The following AQP9 variants were observed in gnomAD, a reference collection of about 807,000 sequenced individuals.
The protein encoded by AQP9 is aquaporin 9.
In AQP9, 19 loss-of-function variants were observed where a neutral mutation model predicts 23.8. That is an observed-to-expected ratio of 0.80 (90% CI 0.56 to 1.17). The LOEUF (loss-of-function observed/expected upper bound fraction) is 1.17, where lower values mean the gene tolerates loss of function less well. Among genes scored for constraint, AQP9 ranks in the 50% most tolerant of loss-of-function variants. The pLI, the probability that AQP9 is intolerant of heterozygous loss-of-function variation, is 0.00. For synonymous variants in AQP9, 153 were observed against 131.5 expected, an observed-to-expected ratio of 1.16 and a Z score of -1.12; for missense variants, 413 against 362.0, an observed-to-expected ratio of 1.14 and a Z score of -1.14.
intron 1 of AQP9, among the ~76,000 whole-genome samples, chr15:58,144,720 A>C (rs531657535): frequency 6.6e-6 from 1 of 152,278 alleles, no homozygotes; most frequent in East Asian, 1.9e-4. Flanking sequence ...AATTTCTTTA[A>C]AAGTTACAGG....
At chr15:58,144,603 C>A (rs1898007834) in intron 1 of AQP9, among the ~76,000 whole-genome samples, 1 of 152,066 alleles carries the variant, frequency 6.6e-6, no homozygotes, top group Admixed American at 6.6e-5. Context: ...AAAATTTTCC[C>A]TTTTTTTCTA....
intron 1 of AQP9, among the ~76,000 whole-genome samples, chr15:58,145,019 A>G (rs1898018627): frequency 2.0e-5 from 3 of 151,382 alleles, no homozygotes; most frequent in African/African-American, 7.3e-5. Context: ...ATCTCAAAAA[A>G]AAAAAAAAAA....
intron 1 of AQP9, among the ~76,000 whole-genome samples, chr15:58,159,151 C>T (rs1434201887): frequency 6.6e-6 from 1 of 152,182 alleles, no homozygotes; most frequent in African/African-American, 2.4e-5. Context: ...TCGGGTTTTA[C>T]ATTGTGTCCA....
In AQP9 at chr15:58,138,390, G is replaced by A; in HGVS notation, c.-176G>A. The A allele has an allele frequency of 1.9e-6, 1 of 530,836 alleles. No individual in the cohort carries two copies. Among genetic ancestry groups the A allele is most frequent in the Non-Finnish European group, 3.4e-6 (1 of 294,428 alleles). 32.9% of individuals were successfully genotyped at this position (530,836 alleles called of 1,614,324 possible). Reference sequence around the variant, plus strand: ...ACAGGGAATGACAGTTCCACCAGAAGACGATTAAGCCACAGCCTCTAATTG... The same window carrying A: ...ACAGGGAATGACAGTTCCACCAGAAAACGATTAAGCCACAGCCTCTAATTG... On this transcript the variant is annotated 5_prime_UTR_variant, in exon 1 of 6. Coordinates refer to ENST00000219919, the MANE Select transcript of AQP9 (RefSeq NM_020980.5).
At chr15:58,158,381 A>C (rs1898307307) in intron 1 of AQP9, among the ~76,000 whole-genome samples, 1 of 152,168 alleles carries the variant, frequency 6.6e-6, no homozygotes, top group South Asian at 2.1e-4. Flanking sequence ...AGTGATGTAA[A>C]ATTAGGCAAT....
In AQP9 at chr15:58,179,356, G is replaced by C. The variant is rs575442870; in HGVS notation, c.713+11G>C. 2 of 1,604,088 alleles carry C rather than the reference G, an allele frequency of 1.2e-6. No homozygotes were observed. Among genetic ancestry groups the C allele is most frequent in the Admixed American group, 1.7e-5 (1 of 58,830 alleles). ...GTTTGAAGTCTTCAGGTAAGTAACA[G>C]TGGTGGGGAAGAGAGAGACAGAGTC... is the stretch of plus-strand genomic sequence containing the variant. On this transcript the variant is annotated intron_variant, in intron 5 of 5. Coordinates refer to ENST00000219919, the MANE Select transcript of AQP9 (RefSeq NM_020980.5).
chr15:58,152,696 A>T (rs1898174018), intron 1 of AQP9: 1 of 152,178 alleles, frequency 6.6e-6, no homozygotes, highest in South Asian at 2.1e-4. Flanking sequence ...AAAAAGATTG[A>T]TACCCATACT....
At chr15:58,173,230 G>T (rs1898663927) in intron 3 of AQP9, 25 bp downstream of exon 3, 2 of 1,612,736 alleles carry the variant, frequency 1.2e-6, no homozygotes, top group East Asian at 4.5e-5. Flanking sequence ...TGAGTCCTAA[G>T]GTTAGGAAGA....
At chr15:58,151,634 A>C (rs1169275294) in intron 1 of AQP9, 1 of 151,996 alleles carries the variant, frequency 6.6e-6, no homozygotes, top group Non-Finnish European at 1.5e-5. Flanking sequence ...ACTTACCCAT[A>C]CTCAAAATAC....
At chr15:58,170,892 G>T (rs1459892723) in intron 2 of AQP9, among the ~76,000 whole-genome samples, 2 of 151,960 alleles carry the variant, frequency 1.3e-5, no homozygotes, top group African/African-American at 4.8e-5. Flanking sequence ...TAAACTCAAG[G>T]GAGTTGGACT....
intron 1 of AQP9, among the ~76,000 whole-genome samples, chr15:58,163,294 G>A (rs1404371196): frequency 6.6e-6 from 1 of 152,150 alleles, no homozygotes; most frequent in Non-Finnish European, 1.5e-5. Flanking sequence ...TTGAGCAAGT[G>A]CTAGGTCCTG....
chr15:58,164,589 CAG>C (rs1191247501), intron 1 of AQP9, among the ~76,000 whole-genome samples: 38 of 152,062 alleles, frequency 2.5e-4, no homozygotes, highest in Non-Finnish European at 4.3e-4. Flanking sequence ...AAAATGGACT[CAG>C]GGGATTTTTT....
At chr15:58,169,876 T>C (rs1898583922) in intron 2 of AQP9, among the ~76,000 whole-genome samples, 1 of 152,130 alleles carries the variant, frequency 6.6e-6, no homozygotes, top group East Asian at 1.9e-4. Context: ...AAAAAGCAAA[T>C]AGACTTGCTT....
At chr15:58,173,977 C>T (rs780158303) in intron 3 of AQP9, among the ~76,000 whole-genome samples, 1 of 151,966 alleles carries the variant, frequency 6.6e-6, no homozygotes, top group Non-Finnish European at 1.5e-5. Flanking sequence ...ATGAACCAGG[C>T]CTTATAGAAA....
At chr15:58,138,889 T>A in intron 1 of AQP9, 1 of 489,300 alleles carries the variant, frequency 2.0e-6, no homozygotes, top group Non-Finnish European at 3.7e-6. Flanking sequence ...CCACAAAAGT[T>A]GATGGGAATG....
At position 58,183,943 on chromosome 15, in the gene AQP9, T is replaced by A. The variant is rs1337131938; in HGVS notation, c.714-18T>A. ...GGAAGGCCAAGAAATGTATCACTAA[T>A]TTCTTGTTTGATTTCAGAGCTGGAA... On this transcript the variant is annotated intron_variant, in intron 5 of 5. Transcript: ENST00000219919. 1 of 1,613,180 alleles carries A rather than the reference T, an allele frequency of 6.2e-7. No individual in the cohort carries two copies. Among genetic ancestry groups the A allele is most frequent in the South Asian group, 1.1e-5 (1 of 91,002 alleles).
chr15:58,148,342 G>A (rs761510768), intron 1 of AQP9, among the ~76,000 whole-genome samples: 1 of 152,172 alleles, frequency 6.6e-6, no homozygotes, highest in Non-Finnish European at 1.5e-5. Context: ...CTCTAAGAGG[G>A]GAACAGAATG....
At chr15:58,182,884 T>A (rs1898924241) in intron 5 of AQP9, among the ~76,000 whole-genome samples, 1 of 152,172 alleles carries the variant, frequency 6.6e-6, no homozygotes, top group Non-Finnish European at 1.5e-5. Flanking sequence ...GGGGTTTGAT[T>A]TGCTCAAAGA....
chr15:58,185,198 T>A lies in AQP9; in HGVS notation c.*1063T>A, dbSNP rs945728106. Reference sequence around the variant, plus strand: ...AATGCCACATTGCCCATTTTTCAGATAAAGAAACAAAATCTTAGGGAAGAT... The same window carrying A: ...AATGCCACATTGCCCATTTTTCAGAAAAAGAAACAAAATCTTAGGGAAGAT... On this transcript the variant is annotated 3_prime_UTR_variant, in exon 6 of 6. Transcript: ENST00000219919. 1.3e-5 allele frequency: 2 copies of A among 152,500 alleles called. No individual in the cohort carries two copies. The highest frequency in any genetic ancestry group is 2.9e-5 in the Non-Finnish European group (2 of 68,008). The allele number at this position is 152,500 out of a possible 1,614,324, so 9.4% of individuals were successfully genotyped here.
Sources: allele counts gnomAD v4.1 joint callset (sites outside exome capture counted in the v4.1 genomes callset), GRCh38; gene constraint gnomAD v4.1.1; transcripts MANE v1.5; gene names NCBI Gene and HGNC (gene_info 2026-07-23, HGNC 2026-07-21).